The following LCE1C variants were observed in gnomAD, a reference collection of about 807,000 sequenced individuals.
The protein encoded by LCE1C is late cornified envelope protein 1C.
In LCE1C, 1 loss-of-function variant was observed where a neutral mutation model predicts 0.7. The ratio of observed to expected loss-of-function variants is 1.44; its 90% CI spans 0.51 to 6.83. The LOEUF is 6.83. Among genes scored for constraint, LCE1C ranks in the 30% most tolerant of loss-of-function variants. The pLI, the probability that LCE1C is intolerant of heterozygous loss-of-function variation, is 0.14. For missense variants in LCE1C, 136 were observed against 149.6 expected, an observed-to-expected ratio of 0.91 and a Z score of 0.48; for synonymous variants, 72 against 57.9, an observed-to-expected ratio of 1.24 and a Z score of -1.10.
intron 1 of LCE1C, among the ~76,000 whole-genome samples, chr1:152,806,284 A>T (rs1407560968): frequency 6.6e-6 from 1 of 152,220 alleles, no homozygotes; most frequent in Non-Finnish European, 1.5e-5. Flanking sequence ...ATTTGCAAGG[A>T]GTGTCACAGT....
In LCE1C at chr1:152,805,304, T is replaced by A. The variant is rs755811433; in HGVS notation, c.175A>T (p.Ser59Cys). The change falls in exon 2 of 2, where the codon AGC (serine) becomes TGC (cysteine). Residue 59 changes from serine to cysteine, a missense_variant. Coordinates refer to ENST00000607093, the MANE Select transcript of LCE1C (RefSeq NM_178351.4). ...GGCCGSSSGG[S>C]CGSSSGGCCS... ...CATCCCCCAGAGCTGGAGCCACAGCTGCCCCCAGAGCTGGAGCCACAGCAG... is the reference window on the plus strand; with the variant it reads ...CATCCCCCAGAGCTGGAGCCACAGCAGCCCCCAGAGCTGGAGCCACAGCAG... The A allele has an allele frequency of 6.2e-7, 1 of 1,613,492 alleles. No individual in the cohort carries two copies. Among genetic ancestry groups the A allele is most frequent in the Admixed American group, 1.7e-5 (1 of 59,962 alleles).
chr1:152,805,095 T>G lies in LCE1C; in HGVS notation c.*27A>C. On this transcript the variant is annotated 3_prime_UTR_variant, in exon 2 of 2. Transcript: ENST00000607093. ...TCCTTGGCAGTTTGCGGTCCTGGAT[T>G]CTGCTCTTCTAGGCTCAGGGTCCAC... 1 of 1,557,228 alleles carries G rather than the reference T, an allele frequency of 6.4e-7. No homozygotes were observed. The highest frequency in any genetic ancestry group is 1.2e-5 in the South Asian group (1 of 80,580).
rs1221840469 is a variant in LCE1C at position 152,805,380 on chromosome 1, A to G, written c.99T>C (p.Cys33=). The G allele has an allele frequency of 5.0e-6, 8 of 1,612,468 alleles. No homozygotes were observed. In the Admixed American group the frequency reaches 1.3e-4, roughly 27 times the overall value. Residue 33 remains cysteine (C), a synonymous_variant, in exon 2 of 2, where the codon TGT becomes TGC. Transcript: ENST00000607093. ...AAGAGACAGGAGGGCACTTAGGGGG[A>G]CACTTTGGGGGACACTTTGGGGTGG... The part of the protein sequence containing the change: ...KCPTPKCPPK[C]PPKCPPVSSC...
chr1:152,805,640 T>A, intron 1 of LCE1C, 142 bp from the exon 2 acceptor site: 1 of 723,796 alleles, frequency 1.4e-6, no homozygotes, highest in Admixed American at 2.9e-5. Context: ...GAAAATTTTG[T>A]TGTTTCTTGT....
In LCE1C at chr1:152,805,332, T is replaced by G. The variant is rs372416698; in HGVS notation, c.147A>C (p.Gly49=). The G allele has an allele frequency of 6.2e-7, 1 of 1,613,306 alleles. No individual in the cohort carries two copies. The highest frequency in any genetic ancestry group is 1.7e-5 in the Admixed American group (1 of 59,972). ...CCCCAGAGCTGGAGCCACAGCAGCCTCCGGAGCTGACACTGCAGCAGGAAG... is the reference window on the plus strand; with the variant it reads ...CCCCAGAGCTGGAGCCACAGCAGCCGCCGGAGCTGACACTGCAGCAGGAAG... ...PVSSCCSVSS[G]GCCGSSSGGS... is the part of the protein sequence containing the mutation. The change falls in exon 2 of 2, where the codon GGA becomes GGC. Residue 49 remains glycine (G), a synonymous_variant. Transcript: ENST00000607093.
rs1027402598 is a variant in LCE1C at position 152,805,533 on chromosome 1, C to A, written c.-20-35G>T. 3.4e-6 allele frequency: 5 copies of A among 1,475,892 alleles called. No homozygotes were observed. The Admixed American group carries it at 8.4e-5, about 25-fold the overall frequency. The allele number at this position is 1,475,892 out of a possible 1,614,324, so 91.4% of individuals were successfully genotyped here. A position where few individuals can be genotyped will look rare whatever the true frequency, so the allele number is the denominator to read the frequency against. ...AGTCAAACAGCAAGTCAGACCTAGG[C>A]AGAGGCCACCCCTGCCTATTCTTGT... On this transcript the variant is annotated intron_variant, in intron 1 of 1. Coordinates refer to ENST00000607093, the MANE Select transcript of LCE1C (RefSeq NM_178351.4).
rs367971555 is a variant in LCE1C at position 152,805,143 on chromosome 1, C to A, written c.336G>T (p.Gln112His). Residue 112 changes from glutamine to histidine, a missense_variant, in exon 2 of 2, where the codon CAG becomes CAT. Coordinates refer to ENST00000607093, the MANE Select transcript of LCE1C (RefSeq NM_178351.4). ...CACTTCAGCAGCAGCCTCCAGAGTG[C>A]TGGCCACTCCCCCCGCCACAGCAGC... ...GSSCCGGGSG[Q>H]HSGGCC The A allele has an allele frequency of 1.2e-6, 2 of 1,607,792 alleles. No individual in the cohort carries two copies. The highest frequency in any genetic ancestry group is 1.7e-6 in the Non-Finnish European group (2 of 1,176,808).
chr1:152,804,934 C>A lies in LCE1C; in HGVS notation c.*188G>T. 1.3e-6 allele frequency: 1 copy of A among 748,830 alleles called. No homozygotes were observed. The allele number at this position is 748,830 out of a possible 1,614,324, so 46.4% of individuals were successfully genotyped here. On this transcript the variant is annotated 3_prime_UTR_variant, in exon 2 of 2. Transcript: ENST00000607093. ...GGGAGGGTAGCCACAAAGGTGAGGTCCAAGGCCAGTGAATGGAGATCCAGG... is the reference window on the plus strand; with the variant it reads ...GGGAGGGTAGCCACAAAGGTGAGGTACAAGGCCAGTGAATGGAGATCCAGG...
intron 1 of LCE1C, among the ~76,000 whole-genome samples, chr1:152,805,780 A>G (rs919302901): frequency 9.2e-5 from 14 of 152,234 alleles, no homozygotes; most frequent in African/African-American, 2.9e-4. Context: ...ATCTGTCAAG[A>G]TTAAACATTT....
chr1:152,806,046 G>A (rs1652331612), intron 1 of LCE1C, among the ~76,000 whole-genome samples: 1 of 152,128 alleles, frequency 6.6e-6, no homozygotes, highest in South Asian at 2.1e-4. Context: ...TGCATAGAGG[G>A]GATCTGAACT....
Position 152,805,473 on chromosome 1 carries a change from G to T in LCE1C, c.6C>A (p.Ser2=). 6.2e-7 allele frequency: 1 copy of T among 1,613,980 alleles called. No individual in the cohort carries two copies. Among genetic ancestry groups the T allele is most frequent in the Non-Finnish European group, 8.5e-7 (1 of 1,179,856 alleles). Residue 2 remains serine (S), a synonymous_variant, in exon 2 of 2, where the codon TCC becomes TCA. Transcript: ENST00000607093. Reference sequence around the variant, plus strand: ...GGCACTGCTGCTGGCTCTGCTGGCAGGACATCTTGGTGGCGGATTCAGGAG... The same window carrying T: ...GGCACTGCTGCTGGCTCTGCTGGCATGACATCTTGGTGGCGGATTCAGGAG... M[S]CQQSQQQCQP...
rs776864757 is a variant in LCE1C, at chr1:152,805,522, T to TTACAGC, written c.-20-25_-20-24insGCTGTA. On this transcript the variant is annotated intron_variant, in intron 1 of 1. Coordinates refer to ENST00000607093, the MANE Select transcript of LCE1C (RefSeq NM_178351.4). Reference sequence around the variant, plus strand: ...AGCTGAAAGAGAGTCAAACAGCAAGTCAGACCTAGGCAGAGGCCACCCCTG... The same window carrying TTACAGC: ...AGCTGAAAGAGAGTCAAACAGCAAGTTACAGCCAGACCTAGGCAGAGGCCACCCCTG... The TTACAGC allele has an allele frequency of 1.0e-5, 16 of 1,578,824 alleles. No homozygotes were observed. The African/African-American group carries it at 1.8e-4, about 17-fold the overall frequency.
chr1:152,805,309 C>G lies in LCE1C; in HGVS notation c.170G>C (p.Gly57Ala). ...CCCAGAGCTGGAGCCACAGCTGCCC[C>G]CAGAGCTGGAGCCACAGCAGCCTCC... ...SSGGCCGSSS[G>A]GSCGSSSGGC... Residue 57 changes from glycine to alanine, a missense_variant, in exon 2 of 2, where the codon GGG (glycine) becomes GCG (alanine). Gly to Ala is a moderately conservative substitution (Grantham distance 60, BLOSUM62 0). Transcript: ENST00000607093. 6.2e-7 allele frequency: 1 copy of G among 1,614,108 alleles called. No homozygotes were observed. The highest frequency in any genetic ancestry group is 8.5e-7 in the Non-Finnish European group (1 of 1,180,026).
At chr1:152,806,283 G>A (rs1652337907) in intron 1 of LCE1C, among the ~76,000 whole-genome samples, 2 of 152,186 alleles carry the variant, frequency 1.3e-5, no homozygotes, top group Admixed American at 6.5e-5. Context: ...AATTTGCAAG[G>A]AGTGTCACAG....
At position 152,805,517 on chromosome 1, in the gene LCE1C, G is replaced by A. The variant is rs1332495938; in HGVS notation, c.-20-19C>T. On this transcript the variant is annotated intron_variant, in intron 1 of 1. Coordinates refer to ENST00000607093, the MANE Select transcript of LCE1C (RefSeq NM_178351.4). ...TCAGGAGCTGAAAGAGAGTCAAACA[G>A]CAAGTCAGACCTAGGCAGAGGCCAC... The A allele has an allele frequency of 6.3e-7, 1 of 1,588,560 alleles. No homozygotes were observed. The highest frequency in any genetic ancestry group is 1.3e-5 in the African/African-American group (1 of 74,638).
chr1:152,805,039 C>G lies in LCE1C; in HGVS notation c.*83G>C. On this transcript the variant is annotated 3_prime_UTR_variant, in exon 2 of 2. Coordinates refer to ENST00000607093, the MANE Select transcript of LCE1C (RefSeq NM_178351.4). Reference sequence around the variant, plus strand: ...AGCTTTCCCTTGGACCTGTGAGCCTCTCAGGCAGGCCTAGTAGGAGAAGGG... The same window carrying G: ...AGCTTTCCCTTGGACCTGTGAGCCTGTCAGGCAGGCCTAGTAGGAGAAGGG... 1.3e-6 allele frequency: 2 copies of G among 1,481,672 alleles called. No individual in the cohort carries two copies. Among genetic ancestry groups the G allele is most frequent in the Non-Finnish European group, 1.8e-6 (2 of 1,102,706 alleles). 91.8% of individuals were successfully genotyped at this position (1,481,672 alleles called of 1,614,324 possible). A position where few individuals can be genotyped will look rare whatever the true frequency, so the allele number is the denominator to read the frequency against.
chr1:152,805,856 A>G (rs1652324595), intron 1 of LCE1C, among the ~76,000 whole-genome samples: 1 of 152,234 alleles, frequency 6.6e-6, no homozygotes, highest in Admixed American at 6.5e-5. Flanking sequence ...CCAGTGTGGA[A>G]ACCTGGGGAT....
At position 152,805,169 on chromosome 1, in the gene LCE1C, T is replaced by C. The variant is rs1334826281; in HGVS notation, c.310A>G (p.Ser104Gly). The change falls in exon 2 of 2, where the codon AGC becomes GGC. Residue 104 changes from serine to glycine, a missense_variant. Coordinates refer to ENST00000607093, the MANE Select transcript of LCE1C (RefSeq NM_178351.4). ...GCCSQPSGGS[S>G]CCGGGSGQHS... The stretch of plus-strand genomic sequence containing the variant: ...TGGCCACTCCCCCCGCCACAGCAGC[T>C]GGAGCCCCCCGAGGGCTGGCTGCAG... The C allele has an allele frequency of 3.7e-6, 6 of 1,612,522 alleles. No individual in the cohort carries two copies. The South Asian group carries it at 6.6e-5, about 18-fold the overall frequency.
chr1:152,806,336 C>A (rs755677316), intron 1 of LCE1C, among the ~76,000 whole-genome samples: 1 of 152,104 alleles, frequency 6.6e-6, no homozygotes, highest in Non-Finnish European at 1.5e-5. Context: ...GTTGTTCTAG[C>A]AGAGTCTATT....
Sources: gnomAD v4.1 joint callset for allele counts (sites outside exome capture counted in the v4.1 genomes callset) on GRCh38, gnomAD v4.1.1 for gene constraint, MANE v1.5 for transcripts, NCBI Gene and HGNC (gene_info 2026-07-23, HGNC 2026-07-21) for gene names.